Variants in ATP8B4 observed in about 807,000 individuals in gnomAD.
ATP8B4 encodes ATPase phospholipid transporting 8B4 (putative), also known as probable phospholipid-transporting ATPase IM.
A neutral mutation model predicts 145.6 loss-of-function variants in ATP8B4; 133 were observed. The observed-to-expected ratio is 0.91, with a 90% CI of 0.79 to 1.05. ATP8B4 has a LOEUF of 1.05. Among genes scored for constraint, ATP8B4 ranks in the 50% least tolerant of loss-of-function variants. ATP8B4 has a pLI of 0.00. For missense variants in ATP8B4, 1,458 were observed against 1,425.2 expected, an observed-to-expected ratio of 1.02 and a Z score of -0.37; for synonymous variants, 507 against 492.9, an observed-to-expected ratio of 1.03 and a Z score of -0.38.
intron 2 of ATP8B4, among the ~76,000 whole-genome samples, chr15:50,079,667 G>A (rs2054415209): frequency 6.6e-6 from 1 of 152,098 alleles, no homozygotes; most frequent in African/African-American, 2.4e-5. Context: ...ATTATCTCAG[G>A]ACACAATTCA....
chr15:50,033,031 G>T (rs1472813698), intron 6 of ATP8B4, among the ~76,000 whole-genome samples: 1 of 152,154 alleles, frequency 6.6e-6, no homozygotes, highest in Non-Finnish European at 1.5e-5. Flanking sequence ...TAGAAAAGTT[G>T]ATTGAACAAG....
chr15:49,919,127 G>A (rs571825609), intron 18 of ATP8B4, among the ~76,000 whole-genome samples, 177 bp from the exon 19 acceptor site: 13 of 152,316 alleles, frequency 8.5e-5, no homozygotes, highest in African/African-American at 3.1e-4. Flanking sequence ...AAGGACTCCA[G>A]AAGGAAGTTC....
chr15:49,873,608 C>A (rs1004367620), intron 25 of ATP8B4, among the ~76,000 whole-genome samples: 1 of 152,060 alleles, frequency 6.6e-6, no homozygotes, highest in Non-Finnish European at 1.5e-5. Context: ...TTTTTCCCTG[C>A]ATTTTTATGC....
At chr15:49,868,265 AAAC>A in intron 25 of ATP8B4, among the ~76,000 whole-genome samples, 1 of 152,338 alleles carries the variant, frequency 6.6e-6, no homozygotes, top group South Asian at 2.1e-4. Context: ...AAAATTGTTG[AAAC>A]AACAACTATA....
chr15:49,981,281 T>G lies in ATP8B4; in HGVS notation c.762A>C (p.Lys254Asn). ...GMVIFAGPDTKLMQNSGKTKF... is the reference protein window; with the variant it reads ...GMVIFAGPDTNLMQNSGKTKF... ...TTGTCTTACCACTATTCTGCATTAG[T>G]TTAGTGTCAGGACCTGCAAAAACAA... The change falls in exon 11 of 28, where the codon AAA becomes AAC. Residue 254 changes from lysine (K) to asparagine (N), a missense_variant. Transcript: ENST00000284509. The G allele has an allele frequency of 6.2e-7, 1 of 1,608,148 alleles. No homozygotes were observed. The highest frequency in any genetic ancestry group is 8.5e-7 in the Non-Finnish European group (1 of 1,178,026).
intron 20 of ATP8B4, among the ~76,000 whole-genome samples, chr15:49,904,267 A>G (rs1057448663): frequency 6.6e-6 from 1 of 152,190 alleles, no homozygotes; most frequent in African/African-American, 2.4e-5. Flanking sequence ...AAAGGGAGAA[A>G]GTACATGAAA....
chr15:49,916,000 T>C (rs1046174637), intron 20 of ATP8B4, among the ~76,000 whole-genome samples: 1 of 151,956 alleles, frequency 6.6e-6, no homozygotes, highest in Non-Finnish European at 1.5e-5. Flanking sequence ...TCTACTATTA[T>C]ATTGAAGGAA....
intron 6 of ATP8B4, among the ~76,000 whole-genome samples, chr15:50,014,223 A>G (rs146776852): frequency 5.2e-4 from 79 of 152,216 alleles, no homozygotes; most frequent in African/African-American, 1.8e-3. Context: ...TGACCTCCCC[A>G]ATTAACCAAT....
chr15:50,099,515 A>G (rs937140687), intron 2 of ATP8B4, among the ~76,000 whole-genome samples: 3 of 152,134 alleles, frequency 2.0e-5, no homozygotes, highest in Non-Finnish European at 4.4e-5. Context: ...TCCTGACCTC[A>G]AGCGATCCTC....
chr15:50,053,824 T>G (rs1387631348), intron 3 of ATP8B4, among the ~76,000 whole-genome samples: 4 of 152,182 alleles, frequency 2.6e-5, no homozygotes, highest in Admixed American at 2.6e-4. Flanking sequence ...GGAAGTATTA[T>G]TTTTTCTAGA....
At position 49,950,490 on chromosome 15, in the gene ATP8B4, G is replaced by A. The variant is rs367713405; in HGVS notation, c.1287+11487C>T. Among the ~76,000 whole-genome samples the A allele has an allele frequency of 1.1e-4, 16 of 151,528 alleles. 2 individuals carry two copies. The highest frequency in any genetic ancestry group is 4.6e-4 in the Admixed American group (7 of 15,210). The stretch of plus-strand genomic sequence containing the variant: ...CTCTGATGGTAGTTTGTGTTTCTGC[G>A]AGGTCAGTGGTGATATTCCCTTTAT... On this transcript the variant is annotated intron_variant, in intron 14 of 27. Coordinates refer to ENST00000284509, the MANE Select transcript of ATP8B4 (RefSeq NM_024837.4).
chr15:50,051,854 C>A (rs1001174309), intron 3 of ATP8B4, among the ~76,000 whole-genome samples: 2 of 152,182 alleles, frequency 1.3e-5, no homozygotes, highest in African/African-American at 2.4e-5. Context: ...AGGTAAAGAG[C>A]TAATTCTGTG....
chr15:50,144,754 T>A (rs1477460783), intron 1 of ATP8B4, among the ~76,000 whole-genome samples: 1 of 152,018 alleles, frequency 6.6e-6, no homozygotes, highest in African/African-American at 2.4e-5. Flanking sequence ...TACCCTTGTT[T>A]TTTTTTTTAC....
chr15:49,961,899 AC>A, intron 14 of ATP8B4, 77 bp downstream of exon 14: 2 of 1,239,874 alleles, frequency 1.6e-6, no homozygotes, highest in Non-Finnish European at 2.3e-6. Context: ...AAATCAGGAC[AC>A]TAAAAGTTTA....
rs188545245 is a variant in ATP8B4 at position 50,169,824 on chromosome 15, T to C, written c.-43+12437A>G. 2.1e-4 allele frequency among the ~76,000 whole-genome samples: 32 copies of C among 152,188 alleles called. No individual in the cohort carries two copies. The East Asian group carries it at 5.6e-3, about 27-fold the overall frequency. On this transcript the variant is annotated intron_variant, in intron 1 of 3. Transcript: ENST00000558829. The stretch of plus-strand genomic sequence containing the variant: ...AGAATTATTTATAGAAATAGATAGC[T>C]TAAAGAAAAAACAATCAAATATTCA...
chr15:49,982,057 T>C (rs1200919776), intron 10 of ATP8B4, among the ~76,000 whole-genome samples: 2 of 152,198 alleles, frequency 1.3e-5, no homozygotes, highest in Non-Finnish European at 2.9e-5. Context: ...AATTAAGTTT[T>C]AATTAAAGCT....
chr15:49,959,991 T>C (rs2043922013), intron 14 of ATP8B4, among the ~76,000 whole-genome samples: 1 of 151,122 alleles, frequency 6.6e-6, no homozygotes, highest in Non-Finnish European at 1.5e-5. Context: ...CAACCAGTCT[T>C]ACCAAATGTT....
chr15:49,873,757 C>T (rs1235839306), intron 25 of ATP8B4, among the ~76,000 whole-genome samples: 1 of 152,162 alleles, frequency 6.6e-6, no homozygotes, highest in Non-Finnish European at 1.5e-5. Flanking sequence ...CGCAGCACAT[C>T]CCACCTTCTG....
At chr15:50,132,228 C>T in intron 1 of ATP8B4, among the ~76,000 whole-genome samples, 1 of 152,070 alleles carries the variant, frequency 6.6e-6, no homozygotes, top group Non-Finnish European at 1.5e-5. Flanking sequence ...AACAGCCATC[C>T]TAAGCTTGCA....
Sources: gnomAD v4.1 joint callset for allele counts (sites outside exome capture counted in the v4.1 genomes callset) on GRCh38, gnomAD v4.1.1 for gene constraint, MANE v1.5 for transcripts, NCBI Gene and HGNC (gene_info 2026-07-23, HGNC 2026-07-21) for gene names.